The following CALCR variants were observed in gnomAD, a reference collection of about 807,000 sequenced individuals.
CALCR encodes the protein calcitonin receptor.
Under a neutral mutation model 59.5 loss-of-function variants are expected in CALCR, and 47 were observed. The observed-to-expected ratio is 0.79, with a 90% CI of 0.63 to 1.01. The LOEUF (loss-of-function observed/expected upper bound fraction) is 1.01. Among genes scored for constraint, CALCR ranks in the 50% least tolerant of loss-of-function variants. The probability of loss-of-function intolerance (pLI) is 0.00; values close to 1 mark genes in which losing one functional copy is unlikely to be tolerated. For synonymous variants in CALCR, 213 were observed against 211.3 expected (o/e 1.01, Z -0.07); for missense variants, 566 against 597.1 (o/e 0.95, Z 0.54).
chr7:93,459,448 G>A (rs1250320682), intron 8 of CALCR, among the ~76,000 whole-genome samples: 2 of 152,112 alleles, frequency 1.3e-5, no homozygotes, highest in Admixed American at 6.6e-5. Context: ...TTTTAGTTCT[G>A]GTTTTTGTTA....
intron 2 of CALCR, among the ~76,000 whole-genome samples, chr7:93,555,646 A>T (rs1584629238): frequency 6.6e-6 from 1 of 151,414 alleles, no homozygotes; most frequent in South Asian, 2.1e-4. Context: ...CAAACTTGGC[A>T]AATAGTTTAT....
intron 7 of CALCR, among the ~76,000 whole-genome samples, chr7:93,468,348 T>C (rs1800482028): frequency 6.6e-6 from 1 of 151,608 alleles, no homozygotes; most frequent in Admixed American, 6.6e-5. Flanking sequence ...TCTCCAAAAA[T>C]TAGAGTGGGA....
At chr7:93,479,984 C>G (rs1800758875) in intron 3 of CALCR, among the ~76,000 whole-genome samples, 1 of 151,722 alleles carries the variant, frequency 6.6e-6, no homozygotes, top group Admixed American at 6.6e-5. Context: ...TGTACACTGC[C>G]AGAAATTTAT....
At chr7:93,495,793 G>C (rs1226774321) in intron 2 of CALCR, 1 of 959,566 alleles carries the variant, frequency 1.0e-6, no homozygotes, top group Non-Finnish European at 1.6e-6. Flanking sequence ...CTAAAAATCT[G>C]ATTGTTGTGG....
chr7:93,435,983 T>A lies in CALCR; in HGVS notation c.1118A>T (p.Asp373Val). 6.2e-7 allele frequency: 1 copy of A among 1,612,588 alleles called. No homozygotes were observed. Among genetic ancestry groups the A allele is most frequent in the Non-Finnish European group, 8.5e-7 (1 of 1,178,780 alleles). The change falls in exon 12 of 14, where the codon GAT becomes GTT. Residue 373 changes from aspartate (D) to valine (V), a missense_variant. Asp to Val is a radical substitution (Grantham distance 152). Coordinates refer to ENST00000426151, the MANE Select transcript of CALCR (RefSeq NM_001742.4). ...PSNKMLGKIY[D>V]YVMHSLIHFQ... ...ATGAATCAGAGAGTGCATCACGTAA[T>A]CATATATCTTCCCAAGCATCTTGTT...
intron 2 of CALCR, among the ~76,000 whole-genome samples, chr7:93,509,251 A>G (rs1801494503): frequency 6.6e-6 from 1 of 152,186 alleles, no homozygotes; most frequent in South Asian, 2.1e-4. Flanking sequence ...TAGACAGGAA[A>G]TGATGAAGTC....
chr7:93,477,468 G>T, intron 5 of CALCR, 90 bp downstream of exon 5: 2 of 782,564 alleles, frequency 2.6e-6, no homozygotes, highest in East Asian at 2.7e-5. Flanking sequence ...ATGATTAGGT[G>T]GGTACATTTT....
At position 93,461,058 on chromosome 7, in the gene CALCR, A is replaced by G; in HGVS notation, c.522-111T>C. On this transcript the variant is annotated intron_variant, in intron 7 of 13. Coordinates refer to ENST00000426151, the MANE Select transcript of CALCR (RefSeq NM_001742.4). ...TTTTCTTTAAAAAAAAGATGAAAGA[A>G]CATATAGAAGAAAGTAAGGCTGGTC... The G allele has an allele frequency of 3.3e-6, 3 of 906,242 alleles. No homozygotes were observed. The South Asian group carries it at 5.1e-5, about 15-fold the overall frequency. The allele number at this position is 906,242 out of a possible 1,614,324, so 56.1% of individuals were successfully genotyped here. A position where few individuals can be genotyped will look rare whatever the true frequency, so the allele number is the denominator to read the frequency against.
At chr7:93,427,406 A>G (rs1799552735) in intron 13 of CALCR, among the ~76,000 whole-genome samples, 1 of 152,198 alleles carries the variant, frequency 6.6e-6, no homozygotes, top group Admixed American at 6.5e-5. Context: ...CTATAGCTGA[A>G]CAAAACTAAA....
chr7:93,515,204 G>A (rs1801624820), intron 2 of CALCR, among the ~76,000 whole-genome samples: 2 of 151,926 alleles, frequency 1.3e-5, no homozygotes. Flanking sequence ...ATGGCTATAA[G>A]GAAGACTAAA....
intron 2 of CALCR, among the ~76,000 whole-genome samples, chr7:93,535,327 G>T (rs1788956775): frequency 6.6e-6 from 1 of 151,616 alleles, no homozygotes; most frequent in South Asian, 2.1e-4. Flanking sequence ...TAAACAAGCT[G>T]AAGGGCAAAT....
At chr7:93,552,936 G>A (rs774568005) in intron 2 of CALCR, among the ~76,000 whole-genome samples, 20 of 152,106 alleles carry the variant, frequency 1.3e-4, no homozygotes, top group Non-Finnish European at 2.4e-4. Context: ...GGAAAGACCC[G>A]AGAAATTCTT....
At chr7:93,545,085 T>C (rs1789249637) in intron 2 of CALCR, among the ~76,000 whole-genome samples, 1 of 152,048 alleles carries the variant, frequency 6.6e-6, no homozygotes, top group African/African-American at 2.4e-5. Context: ...GCCTGCTGCA[T>C]GTTAAGTTGG....
intron 7 of CALCR, among the ~76,000 whole-genome samples, chr7:93,464,527 T>A (rs959597501): frequency 4.6e-5 from 7 of 151,888 alleles, no homozygotes; most frequent in Non-Finnish European, 1.0e-4. Context: ...TGAAGTAAAA[T>A]GGATTGCATT....
At chr7:93,483,217 A>T (rs539628843) in intron 3 of CALCR, among the ~76,000 whole-genome samples, 1 of 151,876 alleles carries the variant, frequency 6.6e-6, no homozygotes, top group Non-Finnish European at 1.5e-5. Context: ...GTATTATTTA[A>T]ATCATCCCCA....
chr7:93,457,203 A>G (rs949559581), intron 8 of CALCR, among the ~76,000 whole-genome samples: 3 of 152,216 alleles, frequency 2.0e-5, no homozygotes, highest in Admixed American at 6.6e-5. Flanking sequence ...GGAGTTAGTC[A>G]TAAGGTGAGA....
intron 2 of CALCR, chr7:93,495,980 A>T (rs919851493): frequency 7.0e-7 from 1 of 1,428,566 alleles, no homozygotes; most frequent in Non-Finnish European, 9.4e-7. Flanking sequence ...TTATTCTGTG[A>T]ATAAATAAAA....
rs138680393 is a variant in CALCR, at chr7:93,508,555, C to T, written c.-26-21548G>A. Among the ~76,000 whole-genome samples the T allele has an allele frequency of 3.9e-5, 6 of 152,190 alleles. No homozygotes were observed. The East Asian group carries it at 1.2e-3, about 29-fold the overall frequency. ...CTCATGTAGCAAATAAGCAGAGTTACAAATTTAAAAAGTAGTTGAATGGTC... is the reference window on the plus strand; with the variant it reads ...CTCATGTAGCAAATAAGCAGAGTTATAAATTTAAAAAGTAGTTGAATGGTC... On this transcript the variant is annotated intron_variant, in intron 2 of 13. Transcript: ENST00000426151.
intron 3 of CALCR, among the ~76,000 whole-genome samples, chr7:93,485,816 T>G (rs1227320174): frequency 6.6e-6 from 1 of 151,510 alleles, no homozygotes. Context: ...TAGGATAAAA[T>G]GATAAGACAA....
Sources: allele counts gnomAD v4.1 joint callset (sites outside exome capture counted in the v4.1 genomes callset), GRCh38; gene constraint gnomAD v4.1.1; transcripts MANE v1.5; gene names NCBI Gene and HGNC (gene_info 2026-07-23, HGNC 2026-07-21).